CDH13: variants seen among roughly 807,000 people sequenced by gnomAD.
CDH13 encodes cadherin 13, also known as cadherin-13.
Under a neutral mutation model 63.8 loss-of-function variants are expected in CDH13, and 24 were observed. The observed-to-expected ratio is 0.38, with a 90% CI of 0.27 to 0.53. The LOEUF (loss-of-function observed/expected upper bound fraction) is 0.53, where lower values mean the gene tolerates loss of function less well. Among genes scored for constraint, CDH13 ranks in the 20% least tolerant of loss-of-function variants. The probability of loss-of-function intolerance (pLI) is 0.85; values close to 1 mark genes in which losing one functional copy is unlikely to be tolerated. For synonymous variants in CDH13, 503 were observed against 355.3 expected (o/e 1.42, Z -4.67); for missense variants, 1,049 against 903.1 (o/e 1.16, Z -2.07).
At chr16:83,256,512 GA>G (rs1249147510) in intron 5 of CDH13, among the ~76,000 whole-genome samples, 1 of 151,818 alleles carries the variant, frequency 6.6e-6, no homozygotes, top group Non-Finnish European at 1.5e-5. Flanking sequence ...CACCTCCAAT[GA>G]AAAGGATATG....
chr16:83,715,426 G>A (rs1271688355), intron 10 of CDH13, among the ~76,000 whole-genome samples: 1 of 152,130 alleles, frequency 6.6e-6, no homozygotes, highest in Non-Finnish European at 1.5e-5. Flanking sequence ...TAGCATTTTC[G>A]AGTATTTATA....
intron 5 of CDH13, among the ~76,000 whole-genome samples, chr16:83,266,445 C>T (rs1907631855): frequency 6.6e-6 from 1 of 152,158 alleles, no homozygotes; most frequent in African/African-American, 2.4e-5. Flanking sequence ...GAATTTATCA[C>T]TTAATGGCAG....
At position 82,674,814 on chromosome 16, in the gene CDH13, G is replaced by C. The variant is rs960958955; in HGVS notation, c.45+47677G>C. ...AATTATGGTATGTGTTGGCGGGACGGGGGCTGCCTTCTGAGACACAAATGG... is the reference window on the plus strand; with the variant it reads ...AATTATGGTATGTGTTGGCGGGACGCGGGCTGCCTTCTGAGACACAAATGG... On this transcript the variant is annotated intron_variant, in intron 1 of 13. Coordinates refer to ENST00000567109, the MANE Select transcript of CDH13 (RefSeq NM_001257.5). Among the ~76,000 whole-genome samples the C allele has an allele frequency of 5.9e-5, 9 of 152,182 alleles. No homozygotes were observed. In the South Asian group the frequency reaches 1.0e-3, roughly 17 times the overall value.
chr16:83,066,862 C>T (rs189277781), intron 3 of CDH13, among the ~76,000 whole-genome samples: 1 of 152,270 alleles, frequency 6.6e-6, no homozygotes, highest in African/African-American at 2.4e-5. Flanking sequence ...GCTTAGTGAG[C>T]ATGAAGTGTT....
intron 1 of CDH13, among the ~76,000 whole-genome samples, chr16:82,763,389 C>G (rs1469258559): frequency 6.6e-6 from 1 of 152,172 alleles, no homozygotes; most frequent in Non-Finnish European, 1.5e-5. Flanking sequence ...TCTGTGAATA[C>G]AGGCTCTCTG....
At chr16:83,365,775 G>T (rs1456405387) in intron 6 of CDH13, among the ~76,000 whole-genome samples, 2 of 152,152 alleles carry the variant, frequency 1.3e-5, no homozygotes, top group South Asian at 2.1e-4. Context: ...TCAGAGGGTT[G>T]CCAATTCTGA....
At chr16:83,720,020 A>G (rs1909477800) in intron 10 of CDH13, among the ~76,000 whole-genome samples, 1 of 152,176 alleles carries the variant, frequency 6.6e-6, no homozygotes, top group Non-Finnish European at 1.5e-5. Flanking sequence ...CTCATATTCA[A>G]GATGGAATCA....
intron 5 of CDH13, among the ~76,000 whole-genome samples, chr16:83,328,508 CGT>C (rs1444870552): frequency 6.6e-6 from 1 of 152,102 alleles, no homozygotes; most frequent in Non-Finnish European, 1.5e-5. Flanking sequence ...GGCCAATTTA[CGT>C]ATTCAAAGAT....
At chr16:83,324,331 G>A (rs1001595001) in intron 5 of CDH13, among the ~76,000 whole-genome samples, 6 of 152,120 alleles carry the variant, frequency 3.9e-5, no homozygotes, top group Non-Finnish European at 5.9e-5. Context: ...CACTGCTCCC[G>A]GCCTCTGCAG....
At chr16:82,888,810 A>G (rs1019785213) in intron 2 of CDH13, among the ~76,000 whole-genome samples, 4 of 152,176 alleles carry the variant, frequency 2.6e-5, no homozygotes, top group African/African-American at 9.7e-5. Context: ...GACCATTGCC[A>G]TTTGCCTCTG....
chr16:83,247,768 C>T (rs1020970361), intron 5 of CDH13, among the ~76,000 whole-genome samples: 6 of 152,134 alleles, frequency 3.9e-5, no homozygotes, highest in African/African-American at 1.4e-4. Context: ...TTTCAGTGGA[C>T]AAACCAATAA....
chr16:83,254,981 TTCTTTCTTTCTTTCTTTCTTTCTTTC>T (rs1906066903), intron 5 of CDH13, among the ~76,000 whole-genome samples: 1 of 18,922 alleles, frequency 5.3e-5, no homozygotes, highest in Non-Finnish European at 2.1e-4. Flanking sequence ...CTTTCTTTCT[TTCTTTCTTTCTTTCTTTCTTTCTTTC>T]TTTCTTTTTT....
chr16:83,510,977 A>G (rs1306762832), intron 7 of CDH13, among the ~76,000 whole-genome samples: 1 of 152,246 alleles, frequency 6.6e-6, no homozygotes, highest in Admixed American at 6.5e-5. Context: ...AAGGACATCT[A>G]AAGAAGAACT....
intron 11 of CDH13, among the ~76,000 whole-genome samples, chr16:83,779,726 C>T (rs561648222): frequency 1.8e-4 from 28 of 152,018 alleles, no homozygotes; most frequent in African/African-American, 6.8e-4. Flanking sequence ...GGTGTGGTGG[C>T]GTGCACCTGT....
chr16:82,801,818 A>C (rs55905499), intron 1 of CDH13, among the ~76,000 whole-genome samples: 39,536 of 152,114 alleles, frequency 0.26, 6,050 homozygotes, highest in South Asian at 0.41. Context: ...ATAGCTTTAA[A>C]AGTTTGTTGT....
At chr16:82,647,780 C>T (rs539822577) in intron 1 of CDH13, among the ~76,000 whole-genome samples, 414 of 152,222 alleles carry the variant, frequency 2.7e-3, no homozygotes, top group African/African-American at 9.8e-3. Context: ...GAGACAGGAG[C>T]TTGGGGTTGG....
intron 1 of CDH13, among the ~76,000 whole-genome samples, chr16:82,789,815 C>G (rs984994871): frequency 9.2e-5 from 14 of 152,120 alleles, no homozygotes; most frequent in African/African-American, 2.9e-4. Flanking sequence ...TGTCTCAGGT[C>G]CCAATAGCAG....
intron 1 of CDH13, among the ~76,000 whole-genome samples, chr16:82,715,056 C>T (rs181787559): frequency 3.9e-4 from 58 of 147,976 alleles, no homozygotes; most frequent in East Asian, 6.0e-4. Context: ...TCCAAAGTCA[C>T]CAAGAGGCCT....
intron 2 of CDH13, among the ~76,000 whole-genome samples, chr16:82,906,934 C>G (rs1374543789): frequency 6.6e-6 from 1 of 152,162 alleles, no homozygotes; most frequent in Non-Finnish European, 1.5e-5. Flanking sequence ...CTACCCTAAT[C>G]TAAAATGACC....
Sources: allele counts gnomAD v4.1 joint callset (sites outside exome capture counted in the v4.1 genomes callset), GRCh38; gene constraint gnomAD v4.1.1; transcripts MANE v1.5; gene names NCBI Gene and HGNC (gene_info 2026-07-23, HGNC 2026-07-21).